Variants in ENAH observed in about 807,000 individuals in gnomAD.
ENAH encodes the protein protein enabled homolog.
ENAH carries 23 observed loss-of-function variants against 78.7 expected under a neutral mutation model. The observed-to-expected ratio is 0.29, with a 90% CI of 0.21 to 0.41. The LOEUF (loss-of-function observed/expected upper bound fraction) is 0.41. ENAH is among the 10% of genes least tolerant of loss of function. The pLI is 1.00. For synonymous variants in ENAH, 226 were observed against 241.0 expected (o/e 0.94, Z 0.58); for missense variants, 544 against 691.0 (o/e 0.79, Z 2.39).
intron 1 of ENAH, among the ~76,000 whole-genome samples, chr1:225,633,494 G>A (rs1230534594): frequency 6.6e-6 from 1 of 152,144 alleles, no homozygotes; most frequent in Non-Finnish European, 1.5e-5. Context: ...GCATTGAAAG[G>A]TAAAATAAGA....
At chr1:225,648,845 C>A (rs532627509) in intron 1 of ENAH, among the ~76,000 whole-genome samples, 1 of 150,262 alleles carries the variant, frequency 6.7e-6, no homozygotes, top group Non-Finnish European at 1.5e-5. Flanking sequence ...GTACCACACT[C>A]TGAAATGTAT....
At chr1:225,553,064 T>C (rs1420448437) in intron 3 of ENAH, among the ~76,000 whole-genome samples, 1 of 152,044 alleles carries the variant, frequency 6.6e-6, no homozygotes, top group Non-Finnish European at 1.5e-5. Context: ...TGAAACGCCA[T>C]CTCTATTAAA....
At chr1:225,554,572 A>G (rs2096657302) in intron 3 of ENAH, among the ~76,000 whole-genome samples, 1 of 152,230 alleles carries the variant, frequency 6.6e-6, no homozygotes, top group Non-Finnish European at 1.5e-5. Context: ...TATCCACTGC[A>G]TATTCTCTGG....
chr1:225,631,687 A>G (rs1659103463), intron 1 of ENAH, among the ~76,000 whole-genome samples: 1 of 152,172 alleles, frequency 6.6e-6, no homozygotes, highest in African/African-American at 2.4e-5. Context: ...TACAACTTGA[A>G]AGTATTAATA....
At chr1:225,619,497 T>C (rs1008788275) in intron 1 of ENAH, among the ~76,000 whole-genome samples, 2 of 152,098 alleles carry the variant, frequency 1.3e-5, no homozygotes, top group Admixed American at 1.3e-4. Flanking sequence ...TGAGCTGAGA[T>C]CCTGCCACTG....
At chr1:225,507,833 G>A (rs776051507) in intron 11 of ENAH, 118 bp downstream of exon 11, 9 of 615,164 alleles carry the variant, frequency 1.5e-5, no homozygotes, top group East Asian at 3.2e-5. Flanking sequence ...GGAGGATCAC[G>A]AGAGTTTTAT....
At chr1:225,625,989 A>G (rs1225212110) in intron 1 of ENAH, among the ~76,000 whole-genome samples, 1 of 152,192 alleles carries the variant, frequency 6.6e-6, no homozygotes, top group Non-Finnish European at 1.5e-5. Context: ...CAAAGATGCA[A>G]GTTGGACTTT....
chr1:225,500,050 C>T (rs1033575445), intron 12 of ENAH, among the ~76,000 whole-genome samples: 1 of 152,136 alleles, frequency 6.6e-6, no homozygotes, highest in African/African-American at 2.4e-5. Context: ...AAGAACTGAC[C>T]ATGTTTTGAA....
In ENAH at chr1:225,652,819, G is replaced by A; in HGVS notation, c.-129C>T. ...GAGACAAGTGTCCGGCTCCTCCTTC[G>A]GCGGCCAGGGGGCTACACCATCTCC... On this transcript the variant is annotated 5_prime_UTR_variant, in exon 1 of 14. Transcript: ENST00000366843. 1 of 699,624 alleles carries A rather than the reference G, an allele frequency of 1.4e-6. No individual in the cohort carries two copies. Among genetic ancestry groups the A allele is most frequent in the Non-Finnish European group, 2.0e-6 (1 of 494,138 alleles). 43.3% of individuals were successfully genotyped at this position (699,624 alleles called of 1,614,324 possible). A position where few individuals can be genotyped will look rare whatever the true frequency, so the allele number is the denominator to read the frequency against.
At chr1:225,534,208 C>A (rs898571497) in intron 3 of ENAH, among the ~76,000 whole-genome samples, 1 of 151,934 alleles carries the variant, frequency 6.6e-6, no homozygotes, top group Non-Finnish European at 1.5e-5. Flanking sequence ...CCCGGAAAAA[C>A]CCCCAGGAGG....
intron 1 of ENAH, among the ~76,000 whole-genome samples, chr1:225,629,625 C>T (rs2148340020): frequency 1.3e-5 from 2 of 150,826 alleles, no homozygotes; most frequent in South Asian, 4.2e-4. Flanking sequence ...GAAAAAAAAT[C>T]AAAGGAAAGT....
intron 3 of ENAH, among the ~76,000 whole-genome samples, chr1:225,536,148 T>C (rs2096560494): frequency 6.6e-6 from 1 of 152,070 alleles, no homozygotes; most frequent in Non-Finnish European, 1.5e-5. Flanking sequence ...CCAAGCCACA[T>C]GTTACTATTT....
chr1:225,561,104 C>T (rs992287381), intron 2 of ENAH, among the ~76,000 whole-genome samples: 5 of 151,436 alleles, frequency 3.3e-5, no homozygotes, highest in African/African-American at 7.3e-5. Context: ...CTTGGTGGTG[C>T]GTGCCTGTAA....
At chr1:225,605,311 C>A (rs1394826045) in intron 1 of ENAH, among the ~76,000 whole-genome samples, 1 of 152,076 alleles carries the variant, frequency 6.6e-6, no homozygotes, top group East Asian at 1.9e-4. Context: ...AGAGAAAAGA[C>A]CAGTAAGAAC....
At position 225,529,293 on chromosome 1, in the gene ENAH, T is replaced by C. The variant is rs2096526181; in HGVS notation, c.434+1261A>G. 2.6e-5 allele frequency among the ~76,000 whole-genome samples: 4 copies of C among 152,260 alleles called. No homozygotes were observed. In the South Asian group the frequency reaches 8.3e-4, roughly 32 times the overall value. On this transcript the variant is annotated intron_variant, in intron 4 of 13. Coordinates refer to ENST00000366843, the MANE Select transcript of ENAH (RefSeq NM_018212.6). ...GCTCCAGCCTCCACGGCCTCCTTGT[T>C]TTCCCATGTACACACAAGCATCATC...
chr1:225,583,882 G>A (rs1418619733), intron 1 of ENAH, among the ~76,000 whole-genome samples: 1 of 152,064 alleles, frequency 6.6e-6, no homozygotes, highest in South Asian at 2.1e-4. Context: ...GCCGGGCACA[G>A]TGGCTCGCAC....
chr1:225,645,547 A>G (rs1575855224), intron 1 of ENAH, among the ~76,000 whole-genome samples: 1 of 152,160 alleles, frequency 6.6e-6, no homozygotes, highest in South Asian at 2.1e-4. Flanking sequence ...CTAGGAAAGG[A>G]ATTGCTGGGT....
chr1:225,513,985 G>A (rs572330063), intron 7 of ENAH, among the ~76,000 whole-genome samples: 63 of 151,528 alleles, frequency 4.2e-4, no homozygotes, highest in African/African-American at 1.2e-3. Context: ...GTGAAACTCC[G>A]TCTCAAGAGA....
At chr1:225,514,558 TA>T in intron 7 of ENAH, 37 bp downstream of exon 7, 1 of 1,421,012 alleles carries the variant, frequency 7.0e-7, no homozygotes, top group Non-Finnish European at 9.9e-7. Context: ...TTAGGAAGAA[TA>T]AGACATATTA....
Sources: allele counts gnomAD v4.1 joint callset (sites outside exome capture counted in the v4.1 genomes callset), GRCh38; gene constraint gnomAD v4.1.1; transcripts MANE v1.5; gene names NCBI Gene and HGNC (gene_info 2026-07-23, HGNC 2026-07-21).